The following GPR158 variants were observed in gnomAD, a reference collection of about 807,000 sequenced individuals.
GPR158 encodes metabotropic glycine receptor.
In GPR158, 30 loss-of-function variants were observed where a neutral mutation model predicts 78.2. That is an observed-to-expected ratio of 0.38 (90% CI 0.29 to 0.52). The LOEUF is 0.52. GPR158 is among the 20% of genes least tolerant of loss of function. The pLI is 0.83. For synonymous variants in GPR158, 581 were observed against 591.1 expected, an observed-to-expected ratio of 0.98 and a Z score of 0.25; for missense variants, 1,463 against 1,523.5, an observed-to-expected ratio of 0.96 and a Z score of 0.66.
At chr10:25,560,395 A>G (rs1836845998) in intron 6 of GPR158, among the ~76,000 whole-genome samples, 2 of 152,198 alleles carry the variant, frequency 1.3e-5, no homozygotes, top group South Asian at 4.2e-4. Context: ...CCTCCTGAGT[A>G]GCTGGGACTA....
intron 2 of GPR158, among the ~76,000 whole-genome samples, chr10:25,255,280 A>G (rs540974775): frequency 2.1e-4 from 32 of 152,154 alleles, no homozygotes; most frequent in Non-Finnish European, 3.7e-4. Flanking sequence ...TCAAATCACT[A>G]AGTATTTTGG....
intron 2 of GPR158, among the ~76,000 whole-genome samples, chr10:25,231,598 C>A (rs990078611): frequency 3.3e-5 from 5 of 152,094 alleles, no homozygotes; most frequent in African/African-American, 1.2e-4. Flanking sequence ...GCTACCTGAC[C>A]ATCCAAGGTG....
chr10:25,473,177 T>A (rs1438536558), intron 5 of GPR158, among the ~76,000 whole-genome samples: 2 of 151,214 alleles, frequency 1.3e-5, no homozygotes, highest in African/African-American at 4.9e-5. Context: ...GTTGTTGAAT[T>A]TTGTCAAAGG....
chr10:25,344,049 A>T (rs1019707225), intron 2 of GPR158, among the ~76,000 whole-genome samples: 8 of 151,916 alleles, frequency 5.3e-5, no homozygotes, highest in African/African-American at 1.9e-4. Flanking sequence ...AATTTCCATT[A>T]TTGCTCTGTG....
At chr10:25,324,501 C>T (rs1320584136) in intron 2 of GPR158, among the ~76,000 whole-genome samples, 1 of 152,020 alleles carries the variant, frequency 6.6e-6, no homozygotes, top group Non-Finnish European at 1.5e-5. Context: ...CATGGTATCC[C>T]AAACAATTAT....
At chr10:25,284,117 C>T (rs1854314670) in intron 2 of GPR158, among the ~76,000 whole-genome samples, 2 of 152,020 alleles carry the variant, frequency 1.3e-5, no homozygotes, top group Admixed American at 1.3e-4. Context: ...CTATGAATGA[C>T]AAGTGGATCA....
chr10:25,371,445 A>G (rs928228200), intron 2 of GPR158, among the ~76,000 whole-genome samples: 1 of 151,814 alleles, frequency 6.6e-6, no homozygotes, highest in Admixed American at 6.6e-5. Context: ...ATGCTACCTG[A>G]CTTCAAACTA....
At chr10:25,249,092 T>A (rs1339440544) in intron 2 of GPR158, among the ~76,000 whole-genome samples, 2 of 152,018 alleles carry the variant, frequency 1.3e-5, no homozygotes, top group Non-Finnish European at 2.9e-5. Context: ...GAATGGGAGT[T>A]CACTCATGAT....
At chr10:25,591,366 T>A (rs538952898) in intron 8 of GPR158, among the ~76,000 whole-genome samples, 1 of 152,268 alleles carries the variant, frequency 6.6e-6, no homozygotes, top group South Asian at 2.1e-4. Flanking sequence ...TGATTCAAGG[T>A]GACGGGAAGT....
chr10:25,366,444 C>A (rs897746545), intron 2 of GPR158, among the ~76,000 whole-genome samples: 1 of 151,516 alleles, frequency 6.6e-6, no homozygotes, highest in African/African-American at 2.4e-5. Context: ...TAAACTTTAA[C>A]AAATAAAAAT....
chr10:25,360,384 G>A (rs1014390846), intron 2 of GPR158, among the ~76,000 whole-genome samples: 4 of 152,066 alleles, frequency 2.6e-5, no homozygotes, highest in African/African-American at 7.2e-5. Context: ...ATGGCTTTAG[G>A]TCTTATGTTT....
chr10:25,385,545 G>C (rs866554998), intron 2 of GPR158, among the ~76,000 whole-genome samples: 70 of 152,056 alleles, frequency 4.6e-4, no homozygotes, highest in Admixed American at 9.8e-4. Context: ...CCTTCATACT[G>C]TTTTCCATAG....
intron 1 of GPR158, among the ~76,000 whole-genome samples, chr10:25,205,231 C>T (rs777585241): frequency 6.6e-5 from 10 of 151,364 alleles, no homozygotes; most frequent in African/African-American, 1.2e-4. Flanking sequence ...TGGACTAATA[C>T]AGTCCCCTTT....
intron 2 of GPR158, among the ~76,000 whole-genome samples, chr10:25,265,628 T>G (rs1172638608): frequency 6.6e-6 from 1 of 152,130 alleles, no homozygotes; most frequent in East Asian, 1.9e-4. Context: ...AGCACCTAGC[T>G]CTGATTAGTG....
intron 5 of GPR158, among the ~76,000 whole-genome samples, chr10:25,521,944 G>T (rs1448563086): frequency 6.6e-6 from 1 of 152,218 alleles, no homozygotes; most frequent in Non-Finnish European, 1.5e-5. Flanking sequence ...CACTGTGGGT[G>T]AAAGGAGATA....
At chr10:25,260,781 A>G (rs1853958651) in intron 2 of GPR158, among the ~76,000 whole-genome samples, 1 of 152,116 alleles carries the variant, frequency 6.6e-6, no homozygotes, top group Non-Finnish European at 1.5e-5. Context: ...GCTGTATATG[A>G]CAAAGCAACT....
intron 1 of GPR158, among the ~76,000 whole-genome samples, chr10:25,205,059 G>T (rs1343058283): frequency 1.3e-5 from 2 of 151,944 alleles, no homozygotes; most frequent in African/African-American, 4.8e-5. Context: ...CTTTCACTTA[G>T]TTCTCATTCT....
intron 5 of GPR158, among the ~76,000 whole-genome samples, chr10:25,474,675 G>A (rs937211488): frequency 1.3e-5 from 2 of 152,100 alleles, no homozygotes; most frequent in African/African-American, 4.8e-5. Context: ...GCATGTTTCT[G>A]TCTTGCTCGG....
At chr10:25,580,949 G>A (rs1393704327) in intron 7 of GPR158, among the ~76,000 whole-genome samples, 3 of 135,022 alleles carry the variant, frequency 2.2e-5, no homozygotes, top group African/African-American at 8.2e-5. Context: ...ACGGAGTCTC[G>A]CTCTGTTGCC....
Sources: gnomAD v4.1 joint callset for allele counts (sites outside exome capture counted in the v4.1 genomes callset) on GRCh38, gnomAD v4.1.1 for gene constraint, MANE v1.5 for transcripts, NCBI Gene and HGNC (gene_info 2026-07-23, HGNC 2026-07-21) for gene names.